Variants in UVRAG observed in about 807,000 individuals in gnomAD.
UVRAG encodes the protein UV radiation resistance-associated gene protein.
UVRAG carries 19 observed loss-of-function variants against 78.0 expected under a neutral mutation model. The observed-to-expected ratio is 0.24, with a 90% confidence interval of 0.17 to 0.36. The LOEUF is 0.36. Ranked by LOEUF, UVRAG falls within the 10% of genes least tolerant of loss-of-function variation. The pLI, the probability that UVRAG is intolerant of heterozygous loss-of-function variation, is 1.00. For missense variants in UVRAG, 740 were observed against 853.8 expected (o/e 0.87, Z 1.66); for synonymous variants, 323 against 324.6 (o/e 1.00, Z 0.05).
intron 7 of UVRAG, among the ~76,000 whole-genome samples, chr11:75,976,875 C>G (rs1208400540): frequency 6.6e-6 from 1 of 152,068 alleles, no homozygotes; most frequent in Non-Finnish European, 1.5e-5. Flanking sequence ...TCCTTCAGTT[C>G]TGCTCTCATC....
chr11:76,031,883 A>G (rs1374412375), intron 12 of UVRAG, among the ~76,000 whole-genome samples: 1 of 152,200 alleles, frequency 6.6e-6, no homozygotes, highest in Non-Finnish European at 1.5e-5. Flanking sequence ...GCAGTCCATT[A>G]TTATTTATCA....
chr11:76,130,258 T>A (rs922935182), intron 14 of UVRAG, among the ~76,000 whole-genome samples: 1 of 152,182 alleles, frequency 6.6e-6, no homozygotes, highest in South Asian at 2.1e-4. Context: ...GCCCGTGTCC[T>A]CTCCTGCATA....
At chr11:75,815,818 A>G (rs1163201797) in intron 1 of UVRAG, among the ~76,000 whole-genome samples, 1 of 152,014 alleles carries the variant, frequency 6.6e-6, no homozygotes, top group East Asian at 1.9e-4. Flanking sequence ...GCCTCCCCCA[A>G]CGCAGGGAGC....
intron 3 of UVRAG, among the ~76,000 whole-genome samples, chr11:75,865,327 T>TC (rs1323505488): frequency 1.3e-5 from 2 of 151,626 alleles, no homozygotes; most frequent in Non-Finnish European, 2.9e-5. Flanking sequence ...AAGAGTGTTT[T>TC]CCCCCAAATA....
At chr11:76,100,051 C>G (rs375429981) in intron 13 of UVRAG, among the ~76,000 whole-genome samples, 1 of 152,004 alleles carries the variant, frequency 6.6e-6, no homozygotes, top group South Asian at 2.1e-4. Flanking sequence ...TATAATGTTA[C>G]GCATTCCCAA....
chr11:75,956,866 C>T (rs1948809449), intron 6 of UVRAG, among the ~76,000 whole-genome samples: 1 of 152,026 alleles, frequency 6.6e-6, no homozygotes, highest in Non-Finnish European at 1.5e-5. Context: ...TGCTTATTGG[C>T]CATTCTTATA....
chr11:76,012,232 C>T (rs1414329385), intron 11 of UVRAG, among the ~76,000 whole-genome samples: 1 of 151,346 alleles, frequency 6.6e-6, no homozygotes, highest in Non-Finnish European at 1.5e-5. Context: ...CATGGAACAT[C>T]ATGATGTTCT....
intron 2 of UVRAG, among the ~76,000 whole-genome samples, chr11:75,855,065 A>C (rs1946257466): frequency 1.3e-5 from 2 of 152,240 alleles, no homozygotes; most frequent in Admixed American, 1.3e-4. Context: ...AATTATAATA[A>C]TCATAATAGT....
intron 8 of UVRAG, among the ~76,000 whole-genome samples, chr11:75,989,445 CT>C (rs1288179079): frequency 6.6e-6 from 1 of 152,184 alleles, no homozygotes; most frequent in Non-Finnish European, 1.5e-5. Context: ...GCTCACGTTT[CT>C]TGTTTTCCTT....
intron 14 of UVRAG, among the ~76,000 whole-genome samples, chr11:76,130,095 C>T (rs1320067441): frequency 1.3e-5 from 2 of 152,168 alleles, no homozygotes; most frequent in African/African-American, 4.8e-5. Context: ...ACATTGTTAT[C>T]TTTCTTGATA....
At chr11:75,874,283 C>T (rs1185925606) in intron 3 of UVRAG, among the ~76,000 whole-genome samples, 1 of 151,542 alleles carries the variant, frequency 6.6e-6, no homozygotes, top group Non-Finnish European at 1.5e-5. Flanking sequence ...AAAAAAACAA[C>T]AACACACACA....
chr11:75,956,888 G>A (rs959296179), intron 6 of UVRAG, among the ~76,000 whole-genome samples: 1 of 151,982 alleles, frequency 6.6e-6, no homozygotes, highest in Non-Finnish European at 1.5e-5. Flanking sequence ...CTTCTTTTGT[G>A]AAGTGTTCAT....
chr11:76,022,518 T>C (rs1950264033), intron 12 of UVRAG, among the ~76,000 whole-genome samples: 1 of 152,204 alleles, frequency 6.6e-6, no homozygotes, highest in African/African-American at 2.4e-5. Flanking sequence ...AATTGACCCT[T>C]TTATTGGTAT....
intron 6 of UVRAG, chr11:75,930,951 CT>C (rs1222700886): frequency 3.3e-5 from 5 of 149,342 alleles, no homozygotes; most frequent in African/African-American, 7.4e-5. Flanking sequence ...TTCTTTCTTT[CT>C]TTCTTTCTTT....
intron 13 of UVRAG, among the ~76,000 whole-genome samples, chr11:76,112,958 C>T (rs191310747): frequency 3.9e-5 from 6 of 152,116 alleles, no homozygotes; most frequent in East Asian, 1.9e-4. Context: ...AAACTCCACC[C>T]GCCTCAGCTT....
intron 9 of UVRAG, among the ~76,000 whole-genome samples, chr11:76,007,020 C>CT (rs564504279): frequency 4.6e-5 from 7 of 151,902 alleles, no homozygotes; most frequent in African/African-American, 1.5e-4. Flanking sequence ...CTTTACATTT[C>CT]TTTTTTTTCA....
At chr11:76,003,692 T>A (rs1009381381) in intron 8 of UVRAG, among the ~76,000 whole-genome samples, 3 of 152,212 alleles carry the variant, frequency 2.0e-5, no homozygotes, top group Non-Finnish European at 2.9e-5. Flanking sequence ...CTCATTTTTT[T>A]AAAGTGAAGT....
At chr11:75,889,572 A>G (rs1565365442) in intron 5 of UVRAG, among the ~76,000 whole-genome samples, 1 of 152,172 alleles carries the variant, frequency 6.6e-6, no homozygotes, top group Middle Eastern at 3.2e-3. Flanking sequence ...CTATTCTACT[A>G]TGGTGTTCTA....
At chr11:75,893,176 CA>C (rs112986400) in intron 5 of UVRAG, among the ~76,000 whole-genome samples, 19,965 of 136,608 alleles carry the variant, frequency 0.15, 2,911 homozygotes, top group African/African-American at 0.39. Context: ...GACTCCGTCT[CA>C]AAAAAAAAAA....
Sources: gnomAD v4.1 joint callset for allele counts (sites outside exome capture counted in the v4.1 genomes callset) on GRCh38, gnomAD v4.1.1 for gene constraint, MANE v1.5 for transcripts, NCBI Gene and HGNC (gene_info 2026-07-23, HGNC 2026-07-21) for gene names.